Variants in ZNF420 observed in about 807,000 individuals in gnomAD.
ZNF420 encodes the protein ATM and p53-associated KZNF protein.
Under a neutral mutation model 44.7 loss-of-function variants are expected in ZNF420, and 31 were observed. The observed-to-expected ratio is 0.69, with a 90% CI of 0.52 to 0.94. The LOEUF (loss-of-function observed/expected upper bound fraction) is 0.94. Ranked by LOEUF, ZNF420 falls within the 40% of genes least tolerant of loss-of-function variation. The probability of loss-of-function intolerance (pLI) is 0.00; values close to 1 mark genes in which losing one functional copy is unlikely to be tolerated. For missense variants in ZNF420, 681 were observed against 827.9 expected, an observed-to-expected ratio of 0.82 and a Z score of 2.18; for synonymous variants, 245 against 267.4, an observed-to-expected ratio of 0.92 and a Z score of 0.82.
chr19:37,049,670 T>C (rs1242492434), intron 1 of ZNF420, among the ~76,000 whole-genome samples: 1 of 152,228 alleles, frequency 6.6e-6, no homozygotes, highest in Non-Finnish European at 1.5e-5. Context: ...GTAGGTTGCC[T>C]GTTCACTCTG....
chr19:37,018,704 A>T (rs988953452), intron 1 of ZNF420, among the ~76,000 whole-genome samples: 1 of 152,062 alleles, frequency 6.6e-6, no homozygotes, highest in Non-Finnish European at 1.5e-5. Context: ...AGTAGCTGGG[A>T]TTATAGGTGT....
At chr19:37,019,770 A>AC (rs977171946) in intron 1 of ZNF420, among the ~76,000 whole-genome samples, 11 of 39,320 alleles carry the variant, frequency 2.8e-4, no homozygotes, top group South Asian at 1.7e-3. Context: ...CATCTGTCAC[A>AC]AAAAAAAAAA....
intron 4 of ZNF420, among the ~76,000 whole-genome samples, chr19:37,100,530 T>C (rs1316490148): frequency 6.6e-6 from 1 of 152,004 alleles, no homozygotes; most frequent in East Asian, 1.9e-4. Context: ...CTGGCCAACA[T>C]GGCGAAACCC....
chr19:37,100,293 C>G (rs1444280829), intron 4 of ZNF420, among the ~76,000 whole-genome samples: 1 of 151,948 alleles, frequency 6.6e-6, no homozygotes, highest in South Asian at 2.1e-4. Context: ...CCTGGGTTCT[C>G]TATCCTGTTC....
chr19:37,078,370 G>A (rs1030713144), upstream of ZNF420: 16 of 152,284 alleles, frequency 1.1e-4, no homozygotes, highest in African/African-American at 3.9e-4. Context: ...GGCGTCCGGA[G>A]CGCTGGACTA....
chr19:37,117,672 C>T (rs1970774106), intron 4 of ZNF420, among the ~76,000 whole-genome samples: 1 of 151,480 alleles, frequency 6.6e-6, no homozygotes, highest in Admixed American at 6.6e-5. Context: ...CAAACTACTC[C>T]CGAGCTACAG....
At chr19:37,077,469 A>T (rs1968187452), upstream of ZNF420, among the ~76,000 whole-genome samples, 1 of 152,234 alleles carries the variant, frequency 6.6e-6, no homozygotes, top group African/African-American at 2.4e-5. Flanking sequence ...GTTTTGAAAT[A>T]ATCTTTCTAA....
chr19:37,113,709 G>C (rs755919213), intron 4 of ZNF420, among the ~76,000 whole-genome samples: 1 of 152,118 alleles, frequency 6.6e-6, no homozygotes, highest in Admixed American at 6.6e-5. Context: ...GGTCTAACTT[G>C]CTCAGTGGCC....
intron 1 of ZNF420, among the ~76,000 whole-genome samples, chr19:37,065,804 A>T (rs1176847519): frequency 6.6e-6 from 1 of 152,238 alleles, no homozygotes; most frequent in East Asian, 1.9e-4. Context: ...GTGGTCACTT[A>T]ATTTTCAATA....
chr19:37,083,675 G>T (rs887656583), intron 2 of ZNF420, among the ~76,000 whole-genome samples: 6 of 152,110 alleles, frequency 3.9e-5, no homozygotes, highest in African/African-American at 1.4e-4. Context: ...GACCCCAGTA[G>T]TCTTTGGCAG....
At chr19:37,117,921 G>GA (rs2146708287) in intron 4 of ZNF420, among the ~76,000 whole-genome samples, 1 of 152,226 alleles carries the variant, frequency 6.6e-6, no homozygotes, top group African/African-American at 2.4e-5. Flanking sequence ...GAAGTTTAGA[G>GA]AAAAAAGAAT....
At chr19:37,070,534 C>T (rs967660871) in intron 1 of ZNF420, among the ~76,000 whole-genome samples, 9 of 152,196 alleles carry the variant, frequency 5.9e-5, no homozygotes, top group Admixed American at 2.0e-4. Context: ...GAATAAACAT[C>T]CAAAATATTT....
intron 1 of ZNF420, among the ~76,000 whole-genome samples, chr19:37,032,147 A>G (rs960277071): frequency 1.1e-4 from 17 of 152,062 alleles, no homozygotes; most frequent in African/African-American, 3.4e-4. Context: ...GATTGAGACC[A>G]TCCTGGCAAA....
intron 1 of ZNF420, among the ~76,000 whole-genome samples, chr19:37,047,771 C>T (rs1171290951): frequency 6.6e-6 from 1 of 152,172 alleles, no homozygotes; most frequent in Non-Finnish European, 1.5e-5. Context: ...TCAGTTTCTG[C>T]AGCAACGTAA....
At chr19:37,015,779 G>A (rs928608287) in intron 1 of ZNF420, among the ~76,000 whole-genome samples, 1 of 152,172 alleles carries the variant, frequency 6.6e-6, no homozygotes, top group Non-Finnish European at 1.5e-5. Flanking sequence ...ATGAATGTGA[G>A]GAGAATATTT....
intron 1 of ZNF420, among the ~76,000 whole-genome samples, chr19:37,042,396 A>G (rs1352807003): frequency 6.6e-6 from 1 of 152,262 alleles, no homozygotes; most frequent in East Asian, 1.9e-4. Flanking sequence ...TGTGTTCATC[A>G]CAAATGAGAA....
chr19:37,129,442 G>A lies in ZNF420; in HGVS notation c.*384G>A, dbSNP rs1971544233. ...TACCTTTATTGTAAGATTCTTGGAA[G>A]TATTATGTAAGTTATTACATGTAAA... is the stretch of plus-strand genomic sequence containing the variant. On this transcript the variant is annotated 3_prime_UTR_variant, in exon 5 of 5. Coordinates refer to ENST00000337995, the MANE Select transcript of ZNF420 (RefSeq NM_144689.5). 1 of 181,958 alleles carries A rather than the reference G, an allele frequency of 5.5e-6. No individual in the cohort carries two copies. Among genetic ancestry groups the A allele is most frequent in the Non-Finnish European group, 1.2e-5 (1 of 86,210 alleles). 11.3% of individuals were successfully genotyped at this position (181,958 alleles called of 1,614,324 possible). A position where few individuals can be genotyped will look rare whatever the true frequency, so the allele number is the denominator to read the frequency against.
At chr19:37,119,460 A>G (rs1970898597) in intron 4 of ZNF420, among the ~76,000 whole-genome samples, 1 of 152,216 alleles carries the variant, frequency 6.6e-6, no homozygotes, top group African/African-American at 2.4e-5. Context: ...TCTCTGGGAC[A>G]CATTCAAAGC....
intron 1 of ZNF420, among the ~76,000 whole-genome samples, chr19:37,062,739 G>A (rs796864783): frequency 3.3e-5 from 5 of 152,152 alleles, no homozygotes; most frequent in South Asian, 2.1e-4. Flanking sequence ...TAAAACTCAC[G>A]TAGGACTTCA....
Sources: gnomAD v4.1 joint callset for allele counts (sites outside exome capture counted in the v4.1 genomes callset) on GRCh38, gnomAD v4.1.1 for gene constraint, MANE v1.5 for transcripts, NCBI Gene and HGNC (gene_info 2026-07-23, HGNC 2026-07-21) for gene names.